Variants in TSHR observed in about 807,000 individuals in gnomAD.
The protein encoded by TSHR is thyroid stimulating hormone receptor.
In TSHR, 51 loss-of-function variants were observed where a neutral mutation model predicts 64.1. That is an observed-to-expected ratio of 0.80 (90% CI 0.64 to 1.01). TSHR has a LOEUF of 1.01. Among genes scored for constraint, TSHR ranks in the 50% least tolerant of loss-of-function variants. The pLI, the probability that TSHR is intolerant of heterozygous loss-of-function variation, is 0.00. For synonymous variants in TSHR, 361 were observed against 361.9 expected, an observed-to-expected ratio of 1.00 and a Z score of 0.03; for missense variants, 877 against 942.8, an observed-to-expected ratio of 0.93 and a Z score of 0.91.
chr14:81,004,370 T>A (rs190153697), intron 1 of TSHR, among the ~76,000 whole-genome samples: 1 of 152,210 alleles, frequency 6.6e-6, no homozygotes, highest in East Asian at 1.9e-4. Context: ...TTCTTAGACA[T>A]GTACTATACA....
Position 81,135,891 on chromosome 14 carries a change from A to G in TSHR, c.693-3788A>G, listed in dbSNP as rs569668735. Among the ~76,000 whole-genome samples, 43 of 152,358 alleles carry G rather than the reference A, an allele frequency of 2.8e-4. No homozygotes were observed. The East Asian group carries it at 7.7e-3, about 27-fold the overall frequency. The stretch of plus-strand genomic sequence containing the variant: ...GGGTGGTTAAATCAAAAAAGAAAAA[A>G]GGCAGTTGTTCCCCCTGCTTGACCC... On this transcript the variant is annotated intron_variant, in intron 8 of 9. Coordinates refer to ENST00000298171, the MANE Select transcript of TSHR (RefSeq NM_000369.5).
At chr14:81,065,992 G>A (rs1393202393) in intron 2 of TSHR, among the ~76,000 whole-genome samples, 2 of 152,148 alleles carry the variant, frequency 1.3e-5, no homozygotes, top group East Asian at 3.9e-4. Context: ...ATGTTTAAAT[G>A]CGAAGAAGAA....
At chr14:81,118,741 C>G (rs1236107256) in intron 8 of TSHR, among the ~76,000 whole-genome samples, 1 of 152,082 alleles carries the variant, frequency 6.6e-6, no homozygotes, top group South Asian at 2.1e-4. Flanking sequence ...GCCAAAAGAA[C>G]AAAGCTGGAG....
At chr14:81,032,533 A>C (rs1884402162) in intron 1 of TSHR, 1 of 401,192 alleles carries the variant, frequency 2.5e-6, no homozygotes, top group Non-Finnish European at 4.9e-6. Context: ...CTTACCATGG[A>C]AAATTCAGAG....
intron 1 of TSHR, among the ~76,000 whole-genome samples, chr14:81,002,032 T>C (rs1164977981): frequency 6.6e-6 from 1 of 152,182 alleles, no homozygotes; most frequent in African/African-American, 2.4e-5. Context: ...TTTGGCAACC[T>C]ACATTGCAGC....
Position 81,092,478 on chromosome 14 carries a change from C to A in TSHR, c.468-53C>A. 3 of 1,528,516 alleles carry A rather than the reference C, an allele frequency of 2.0e-6. No individual in the cohort carries two copies. The South Asian group carries it at 3.4e-5, about 17-fold the overall frequency. 94.7% of individuals were successfully genotyped at this position (1,528,516 alleles called of 1,614,324 possible). On this transcript the variant is annotated intron_variant, in intron 5 of 9. Coordinates refer to ENST00000298171, the MANE Select transcript of TSHR (RefSeq NM_000369.5). ...GTGCATATGCGCAGCAAGACCCCTG[C>A]TGCAGAAGGAAAGCATTTTTTCATT...
At chr14:81,099,363 C>G (rs1190094472) in intron 7 of TSHR, 1 of 152,044 alleles carries the variant, frequency 6.6e-6, no homozygotes, top group Non-Finnish European at 1.5e-5. Context: ...GAACTCTTTC[C>G]CTGCCCTCTG....
intron 1 of TSHR, among the ~76,000 whole-genome samples, chr14:81,042,001 T>G (rs1246312159): frequency 6.6e-6 from 1 of 152,172 alleles, no homozygotes; most frequent in East Asian, 1.9e-4. Flanking sequence ...GCAAAAGACC[T>G]AAATAGACAT....
chr14:81,042,103 G>T (rs368668977), intron 1 of TSHR, among the ~76,000 whole-genome samples: 1 of 152,082 alleles, frequency 6.6e-6, no homozygotes, highest in African/African-American at 2.4e-5. Context: ...ATATCACCTT[G>T]CCCCAATTAG....
chr14:81,095,152 C>G (rs776138955), intron 6 of TSHR, among the ~76,000 whole-genome samples: 12 of 152,264 alleles, frequency 7.9e-5, no homozygotes, highest in Non-Finnish European at 1.6e-4. Flanking sequence ...TTATAGCTGT[C>G]TTCTCTTATC....
At chr14:81,095,220 G>A (rs1595101966) in intron 6 of TSHR, among the ~76,000 whole-genome samples, 1 of 152,110 alleles carries the variant, frequency 6.6e-6, no homozygotes, top group East Asian at 1.9e-4. Flanking sequence ...GAGGTCCCAA[G>A]GCTGGGGCTC....
chr14:80,989,414 A>G (rs1445499647), intron 1 of TSHR, among the ~76,000 whole-genome samples: 2 of 152,228 alleles, frequency 1.3e-5, no homozygotes. Flanking sequence ...TTAACATGGC[A>G]GTCGACATCT....
At chr14:81,033,154 T>C (rs956554097) in intron 1 of TSHR, 2 of 389,774 alleles carry the variant, frequency 5.1e-6, no homozygotes, top group African/African-American at 4.4e-5. Flanking sequence ...ATGGAAACAC[T>C]GGAGCAACAT....
intron 7 of TSHR, among the ~76,000 whole-genome samples, chr14:81,101,706 C>T (rs947221152): frequency 1.3e-5 from 2 of 152,080 alleles, no homozygotes; most frequent in African/African-American, 4.8e-5. Flanking sequence ...TCACACATAC[C>T]ACCACACTCA....
intron 1 of TSHR, among the ~76,000 whole-genome samples, chr14:80,969,917 AT>A: frequency 6.6e-6 from 1 of 152,296 alleles, no homozygotes; most frequent in East Asian, 1.9e-4. Context: ...AACCAGGTAA[AT>A]TACTTGCTAC....
chr14:81,133,980 A>G (rs1176988157), intron 8 of TSHR, among the ~76,000 whole-genome samples: 1 of 152,200 alleles, frequency 6.6e-6, no homozygotes, highest in Non-Finnish European at 1.5e-5. Context: ...CAAACTCAAG[A>G]CAAGGAAACT....
At chr14:80,979,498 C>T (rs79319967) in intron 1 of TSHR, among the ~76,000 whole-genome samples, 8,305 of 152,090 alleles carry the variant, frequency 0.055, 728 homozygotes, top group African/African-American at 0.19. Context: ...TGTTTATTTC[C>T]AAATAGCTAG....
At chr14:80,994,972 G>GA (rs2139747572) in intron 1 of TSHR, 1 of 152,266 alleles carries the variant, frequency 6.6e-6, no homozygotes, top group Non-Finnish European at 1.5e-5. Flanking sequence ...CAGAATGGGA[G>GA]AAAAAATTCG....
rs76017607 is a variant in TSHR, at chr14:80,983,135, A to C, written c.170+27285A>C. 2.0e-3 allele frequency: 1,593 copies of C among 797,024 alleles called. 34 individuals are homozygous for C. The African/African-American group carries it at 0.024, about 12-fold the overall frequency. 49.4% of individuals were successfully genotyped at this position (797,024 alleles called of 1,614,324 possible). On this transcript the variant is annotated intron_variant, in intron 1 of 9. Coordinates refer to ENST00000298171, the MANE Select transcript of TSHR (RefSeq NM_000369.5). Reference sequence around the variant, plus strand: ...TTCCTTCCCCAGAAATGAGAAAATTACTAATTTTCTTATGAGTAATTACTC... The same window carrying C: ...TTCCTTCCCCAGAAATGAGAAAATTCCTAATTTTCTTATGAGTAATTACTC...
Sources: allele counts gnomAD v4.1 joint callset (sites outside exome capture counted in the v4.1 genomes callset), GRCh38; gene constraint gnomAD v4.1.1; transcripts MANE v1.5; gene names NCBI Gene and HGNC (gene_info 2026-07-23, HGNC 2026-07-21).